Variants in SHISA9 observed in about 807,000 individuals in gnomAD.
SHISA9 encodes protein shisa-9.
SHISA9 carries 13 observed loss-of-function variants against 38.0 expected under a neutral mutation model. That is an observed-to-expected ratio of 0.34 (90% CI 0.22 to 0.54). The LOEUF (loss-of-function observed/expected upper bound fraction) is 0.54, where lower values mean the gene tolerates loss of function less well. Among genes scored for constraint, SHISA9 ranks in the 20% least tolerant of loss-of-function variants. The probability of loss-of-function intolerance (pLI) is 0.91; values close to 1 mark genes in which losing one functional copy is unlikely to be tolerated. For missense variants in SHISA9, 538 were observed against 575.8 expected (o/e 0.93, Z 0.67); for synonymous variants, 275 against 242.0 (o/e 1.14, Z -1.27).
chr16:12,930,184 A>T (rs2071445382), intron 2 of SHISA9, among the ~76,000 whole-genome samples: 1 of 152,218 alleles, frequency 6.6e-6, no homozygotes, highest in Non-Finnish European at 1.5e-5. Flanking sequence ...TGCCTGGCAC[A>T]CAGAAAGTGC....
intron 2 of SHISA9, among the ~76,000 whole-genome samples, chr16:13,015,836 TTTTCTTTCTTTCTTTCCCTTTC>T (rs1215566400): frequency 1.6e-5 from 2 of 126,568 alleles, no homozygotes; most frequent in African/African-American, 2.6e-5. Flanking sequence ...TCTCTCTCTC[TTTTCTTTCTTTCTTTCCCTTTC>T]TTTCTTTCTT....
chr16:13,270,335 T>C, the SHISA9 span, among the ~76,000 whole-genome samples: 2,196 of 152,130 alleles, frequency 0.014, 34 homozygotes, highest in Middle Eastern at 0.037. Flanking sequence ...AAGGACACCA[T>C]TGCAACTCTC....
the SHISA9 span, among the ~76,000 whole-genome samples, chr16:13,364,352 T>C: frequency 1.3e-5 from 2 of 152,198 alleles, no homozygotes; most frequent in African/African-American, 4.8e-5. Context: ...CGTTGAATCA[T>C]AGGCAAGAGA....
the SHISA9 span, among the ~76,000 whole-genome samples, chr16:13,550,033 A>AT: frequency 1.4e-3 from 212 of 151,870 alleles, no homozygotes; most frequent in Middle Eastern, 0.01. Context: ...AAAAAAAAAA[A>AT]AAATAAAGTA....
At chr16:13,225,469 A>G (rs992110401) in intron 4 of SHISA9, among the ~76,000 whole-genome samples, 1 of 152,160 alleles carries the variant, frequency 6.6e-6, no homozygotes, top group African/African-American at 2.4e-5. Context: ...AAGAATTTGG[A>G]TTTTGTTCTT....
the SHISA9 span, among the ~76,000 whole-genome samples, chr16:13,517,164 A>T: frequency 6.6e-6 from 1 of 152,160 alleles, no homozygotes; most frequent in South Asian, 2.1e-4. Context: ...GAAGGCCACA[A>T]AGAAAAAAGC....
chr16:13,300,532 A>T, the SHISA9 span, among the ~76,000 whole-genome samples: 2 of 152,150 alleles, frequency 1.3e-5, no homozygotes. Context: ...TGGGAATTGG[A>T]GGCCCTTTAT....
At chr16:13,385,772 A>C in the SHISA9 span, among the ~76,000 whole-genome samples, 1 of 150,428 alleles carries the variant, frequency 6.6e-6, no homozygotes, top group African/African-American at 2.5e-5. Context: ...CAGCAAAGAA[A>C]AGGAACAAAC....
chr16:13,066,825 C>T (rs147369715), intron 2 of SHISA9, among the ~76,000 whole-genome samples: 85 of 152,292 alleles, frequency 5.6e-4, no homozygotes, highest in African/African-American at 1.8e-3. Flanking sequence ...TTTATGTTCC[C>T]CAGTCTTGTC....
chr16:12,915,986 GTTT>G (rs71147769), intron 1 of SHISA9, among the ~76,000 whole-genome samples: 11 of 124,380 alleles, frequency 8.8e-5, no homozygotes, highest in Middle Eastern at 4.0e-3. Context: ...TGAACACTGA[GTTT>G]TTTTTTTGTG....
intron 2 of SHISA9, among the ~76,000 whole-genome samples, chr16:13,012,648 C>A (rs938417863): frequency 6.6e-6 from 1 of 152,224 alleles, no homozygotes; most frequent in African/African-American, 2.4e-5. Context: ...ATGAAACAAT[C>A]AGGTCACAGA....
At chr16:13,460,543 A>G in the SHISA9 span, among the ~76,000 whole-genome samples, 1 of 152,198 alleles carries the variant, frequency 6.6e-6, no homozygotes, top group Non-Finnish European at 1.5e-5. Flanking sequence ...TCCAAAGCCC[A>G]TGAGTTTTCT....
At chr16:12,961,307 A>G (rs766619280) in intron 2 of SHISA9, among the ~76,000 whole-genome samples, 2 of 152,304 alleles carry the variant, frequency 1.3e-5, no homozygotes, top group East Asian at 1.9e-4. Flanking sequence ...AGAGGTGAAC[A>G]TAAACATCAC....
At chr16:13,349,991 C>T in the SHISA9 span, among the ~76,000 whole-genome samples, 1 of 152,070 alleles carries the variant, frequency 6.6e-6, no homozygotes, top group Non-Finnish European at 1.5e-5. Flanking sequence ...TAAGGGATAC[C>T]CAAATAGCTG....
downstream of SHISA9, among the ~76,000 whole-genome samples, chr16:13,243,462 T>C (rs921520479): frequency 1.3e-5 from 2 of 152,076 alleles, no homozygotes; most frequent in Non-Finnish European, 2.9e-5. Context: ...TTCCAGGCTA[T>C]AGGTAAATTT....
chr16:12,925,146 A>G (rs1275288847), intron 2 of SHISA9, among the ~76,000 whole-genome samples: 1 of 152,226 alleles, frequency 6.6e-6, no homozygotes, highest in Non-Finnish European at 1.5e-5. Flanking sequence ...GTGCCAGTTG[A>G]TAACACCGTG....
chr16:12,952,361 C>A (rs2071769426), intron 2 of SHISA9, among the ~76,000 whole-genome samples: 1 of 152,186 alleles, frequency 6.6e-6, no homozygotes, highest in African/African-American at 2.4e-5. Context: ...GGAGGATCTC[C>A]CAGAGGGCCC....
the SHISA9 span, among the ~76,000 whole-genome samples, chr16:13,554,578 G>A: frequency 2.8e-5 from 4 of 145,312 alleles, no homozygotes; most frequent in Admixed American, 7.2e-5. Context: ...TGCAACCTCC[G>A]CTTCCCAGGT....
chr16:13,135,598 C>T (rs2050341741), intron 2 of SHISA9, among the ~76,000 whole-genome samples: 1 of 152,210 alleles, frequency 6.6e-6, no homozygotes, highest in African/African-American at 2.4e-5. Flanking sequence ...ATCTTGTTGC[C>T]TCAGCCTTCC....
Sources: allele counts gnomAD v4.1 joint callset (sites outside exome capture counted in the v4.1 genomes callset), GRCh38; gene constraint gnomAD v4.1.1; transcripts MANE v1.5; gene names NCBI Gene and HGNC (gene_info 2026-07-23, HGNC 2026-07-21).